The following GABRA3 variants were observed in gnomAD, a reference collection of about 807,000 sequenced individuals.
GABRA3 encodes the protein gamma-aminobutyric acid type A receptor subunit alpha3.
Under a neutral mutation model 30.1 loss-of-function variants are expected in GABRA3, and 10 were observed. The observed-to-expected ratio is 0.33, with a 90% CI of 0.20 to 0.56. GABRA3 has a LOEUF of 0.56. Among genes scored for constraint, GABRA3 ranks in the 20% least tolerant of loss-of-function variants. GABRA3 has a pLI of 0.89. For missense variants in GABRA3, 233 were observed against 392.0 expected, an observed-to-expected ratio of 0.59 and a Z score of 3.42; for synonymous variants, 151 against 146.8, an observed-to-expected ratio of 1.03 and a Z score of -0.21.
At chrX:152,259,920 G>C (rs1370338269) in intron 4 of GABRA3, among the ~76,000 whole-genome samples, 1 of 110,232 alleles carries the variant, frequency 9.1e-6, no homozygotes, top group Non-Finnish European at 1.9e-5. Flanking sequence ...GTGTGTTAGA[G>C]CATCAAGCAG....
chrX:152,184,962 G>A (rs770857137), intron 9 of GABRA3, among the ~76,000 whole-genome samples: 1 of 110,876 alleles, frequency 9.0e-6, no homozygotes, highest in South Asian at 3.8e-4. Context: ...CCTTTCTAAT[G>A]TTTCCTCTCA....
Position 152,167,870 on chromosome X carries a change from C to CAT in GABRA3, c.*357_*358insAT. On this transcript the variant is annotated 3_prime_UTR_variant, in exon 10 of 10. Coordinates refer to ENST00000370314, the MANE Select transcript of GABRA3 (RefSeq NM_000808.4). ...ACAATTCTCCTTGTTCTGGGCCTCT[C>CAT]AAACAGCCAAGGCTTCCACTATGGA... is the stretch of plus-strand genomic sequence containing the variant. 5.1e-6 allele frequency: 1 copy of CAT among 197,868 alleles called. No homozygotes were observed. The allele number at this position is 197,868 out of a possible 1,213,427, so 16.3% of individuals were successfully genotyped here. A position where few individuals can be genotyped will look rare whatever the true frequency, so the allele number is the denominator to read the frequency against.
intron 1 of GABRA3, among the ~76,000 whole-genome samples, chrX:152,418,950 A>G (rs942277231): frequency 8.9e-6 from 1 of 111,990 alleles, no homozygotes; most frequent in African/African-American, 3.2e-5. Context: ...ACCATGGAAT[A>G]CTATGCAGCC....
chrX:152,193,122 C>T (rs2124350055), intron 8 of GABRA3, among the ~76,000 whole-genome samples: 1 of 111,254 alleles, frequency 9.0e-6, no homozygotes, highest in East Asian at 2.8e-4. Flanking sequence ...CTGGTGATAC[C>T]CCTTTCTGCC....
At chrX:152,270,508 C>A (rs1938912284) in intron 4 of GABRA3, among the ~76,000 whole-genome samples, 1 of 111,160 alleles carries the variant, frequency 9.0e-6, no homozygotes, top group East Asian at 2.8e-4. Flanking sequence ...AATCTGGAAG[C>A]AACTTCGGGA....
At chrX:152,257,620 A>G (rs1401338113) in intron 4 of GABRA3, among the ~76,000 whole-genome samples, 3 of 112,449 alleles carry the variant, frequency 2.7e-5, no homozygotes, top group Non-Finnish European at 5.6e-5. Flanking sequence ...AGATCATATA[A>G]TTGGTTGCCT....
chrX:152,385,420 C>T (rs938670046), intron 1 of GABRA3, among the ~76,000 whole-genome samples: 3 of 111,559 alleles, frequency 2.7e-5, no homozygotes, highest in Admixed American at 9.5e-5. Context: ...AATACCATAC[C>T]ACAATGAAAC....
chrX:152,438,010 G>A (rs1346941235), intron 1 of GABRA3, among the ~76,000 whole-genome samples: 1 of 111,905 alleles, frequency 8.9e-6, no homozygotes, highest in Non-Finnish European at 1.9e-5. Context: ...GAAACGCACT[G>A]TTAAGAGTAT....
rs188978770 is a variant in GABRA3, at chrX:152,291,070, A to G, written c.263-6335T>C. Among the ~76,000 whole-genome samples the G allele has an allele frequency of 2.9e-4, 32 of 111,678 alleles. 1 individual carries two copies. The highest frequency in any genetic ancestry group is 1.4e-3 in the Admixed American group (15 of 10,487). On this transcript the variant is annotated intron_variant, in intron 3 of 9. Coordinates refer to ENST00000370314, the MANE Select transcript of GABRA3 (RefSeq NM_000808.4). The stretch of plus-strand genomic sequence containing the variant: ...TGTGAAGAAAGTCATTGGTAACTTG[A>G]TGGGGATGGCATTGAATCTATAAAT...
intron 3 of GABRA3, among the ~76,000 whole-genome samples, chrX:152,318,355 C>T (rs2124464560): frequency 9.0e-6 from 1 of 110,767 alleles, no homozygotes; most frequent in Admixed American, 9.6e-5. Context: ...ACCATAAAAA[C>T]CCAGGACCAG....
intron 1 of GABRA3, among the ~76,000 whole-genome samples, chrX:152,382,247 C>G (rs970850523): frequency 8.9e-6 from 1 of 112,020 alleles, no homozygotes; most frequent in African/African-American, 3.3e-5. Flanking sequence ...TCACACCAGT[C>G]AGAATGGCGA....
chrX:152,383,971 C>T (rs1203717583), intron 1 of GABRA3, among the ~76,000 whole-genome samples: 1 of 33,251 alleles, frequency 3.0e-5, no homozygotes, highest in African/African-American at 7.5e-5. Context: ...CAGACTCCAC[C>T]ACAAAAAAAA....
intron 3 of GABRA3, among the ~76,000 whole-genome samples, chrX:152,344,405 A>AT (rs995217004): frequency 2.7e-5 from 3 of 111,598 alleles, no homozygotes; most frequent in Non-Finnish European, 5.7e-5. Context: ...AGAGAAAGAG[A>AT]TTTTTTCTTA....
intron 3 of GABRA3, among the ~76,000 whole-genome samples, chrX:152,301,151 G>T (rs151013705): frequency 0.037 from 4,113 of 111,530 alleles, 163 homozygotes; most frequent in African/African-American, 0.13. Context: ...TCTATATAGG[G>T]GAGCAATAAT....
intron 1 of GABRA3, among the ~76,000 whole-genome samples, chrX:152,416,796 T>C (rs1240864635): frequency 9.1e-6 from 1 of 109,538 alleles, no homozygotes; most frequent in African/African-American, 3.3e-5. Context: ...GTTTAATAAA[T>C]GGTGCTGGGA....
At chrX:152,439,142 T>C (rs142338575) in intron 1 of GABRA3, among the ~76,000 whole-genome samples, 1 of 109,973 alleles carries the variant, frequency 9.1e-6, no homozygotes, top group Admixed American at 9.8e-5. Context: ...TATTATTATT[T>C]TTTGAGATGA....
At chrX:152,199,334 C>A (rs1233425366) in intron 7 of GABRA3, among the ~76,000 whole-genome samples, 1 of 103,976 alleles carries the variant, frequency 9.6e-6, no homozygotes, top group South Asian at 4.4e-4. Flanking sequence ...CCACTGCACT[C>A]CAGCCTGGGC....
intron 2 of GABRA3, among the ~76,000 whole-genome samples, chrX:152,352,992 G>C (rs906330502): frequency 1.8e-5 from 2 of 110,689 alleles, no homozygotes; most frequent in Non-Finnish European, 1.9e-5. Context: ...AAGGATGCCA[G>C]TTATATACTA....
rs139123606 is a variant in GABRA3 at position 152,251,417 on chromosome X, C to T, written c.551+4361G>A. ...CTCTCCTTTCTTCTCTCTTCTCTAT[C>T]CCTCCTCCAAAACTTAAACCTATTC... On this transcript the variant is annotated intron_variant, in intron 5 of 9. Transcript: ENST00000370314. Among the ~76,000 whole-genome samples, 13 of 110,158 alleles carry T rather than the reference C, an allele frequency of 1.2e-4. No homozygotes were observed. The East Asian group carries it at 3.7e-3, about 32-fold the overall frequency.
Sources: gnomAD v4.1 joint callset for allele counts (sites outside exome capture counted in the v4.1 genomes callset) on GRCh38, gnomAD v4.1.1 for gene constraint, MANE v1.5 for transcripts, NCBI Gene and HGNC (gene_info 2026-07-23, HGNC 2026-07-21) for gene names.